The following ATE1 variants were observed in gnomAD, a reference collection of about 807,000 sequenced individuals.
ATE1 encodes arginyl-tRNA--protein transferase 1.
A neutral mutation model predicts 70.5 loss-of-function variants in ATE1; 36 were observed. The ratio of observed to expected loss-of-function variants is 0.51; its 90% CI spans 0.39 to 0.67. The LOEUF (loss-of-function observed/expected upper bound fraction) is 0.67, where lower values mean the gene tolerates loss of function less well. Among genes scored for constraint, ATE1 ranks in the 30% least tolerant of loss-of-function variants. ATE1 has a pLI of 0.00. For synonymous variants in ATE1, 232 were observed against 219.3 expected, an observed-to-expected ratio of 1.06 and a Z score of -0.51; for missense variants, 593 against 629.5, an observed-to-expected ratio of 0.94 and a Z score of 0.62.
chr10:121,750,400 C>G (rs1231051250), intron 11 of ATE1, among the ~76,000 whole-genome samples: 1 of 152,192 alleles, frequency 6.6e-6, no homozygotes, highest in African/African-American at 2.4e-5. Context: ...AATCTAATTT[C>G]ATACAATAAC....
intron 3 of ATE1, among the ~76,000 whole-genome samples, chr10:121,918,030 T>C (rs1951728287): frequency 6.6e-6 from 1 of 152,068 alleles, no homozygotes; most frequent in South Asian, 2.1e-4. Context: ...ATATGGAAAA[T>C]GACTCCATAA....
intron 10 of ATE1, among the ~76,000 whole-genome samples, chr10:121,803,510 T>C (rs1946976927): frequency 6.6e-6 from 1 of 152,244 alleles, no homozygotes; most frequent in Non-Finnish European, 1.5e-5. Context: ...GTGTCAGCAA[T>C]GTCCTATGTT....
rs201624969 is a variant in ATE1 at position 121,858,694 on chromosome 10, A to AT, written c.975+11311dup. On this transcript the variant is annotated intron_variant, in intron 8 of 11. Coordinates refer to ENST00000224652, the MANE Select transcript of ATE1 (RefSeq NM_001001976.3). ...TAATATATATATTTTTATATATTAT[A>AT]TTTTTTTAATATATTATATATATAC... Among the ~76,000 whole-genome samples the AT allele has an allele frequency of 7.1e-4, 53 of 74,686 alleles. 1 individual carries two copies. Among genetic ancestry groups the AT allele is most frequent in the Non-Finnish European group, 1.7e-3 (47 of 27,874 alleles). 49.0% of individuals were successfully genotyped at this position (74,686 alleles called of 152,430 possible).
intron 11 of ATE1, among the ~76,000 whole-genome samples, chr10:121,761,223 C>T (rs1945026075): frequency 6.6e-6 from 1 of 152,152 alleles, no homozygotes; most frequent in South Asian, 2.1e-4. Context: ...TCATGCACAC[C>T]CTGCAGAACC....
At chr10:121,813,487 G>A (rs1947408663) in intron 10 of ATE1, among the ~76,000 whole-genome samples, 1 of 152,144 alleles carries the variant, frequency 6.6e-6, no homozygotes, top group African/African-American at 2.4e-5. Flanking sequence ...ATGGCTCTTT[G>A]GGTGAAGAAA....
At chr10:121,846,535 A>G (rs1948829288) in intron 8 of ATE1, 2 of 152,186 alleles carry the variant, frequency 1.3e-5, no homozygotes, top group South Asian at 4.1e-4. Context: ...GAGAGGATTT[A>G]CTAAGGTGCT....
intron 5 of ATE1, among the ~76,000 whole-genome samples, chr10:121,905,374 T>A (rs571915636): frequency 6.6e-6 from 1 of 152,362 alleles, no homozygotes; most frequent in East Asian, 1.9e-4. Context: ...ACAGAAGTTA[T>A]AAATTTATAA....
At chr10:121,800,052 T>A (rs1490834389) in intron 10 of ATE1, among the ~76,000 whole-genome samples, 1 of 152,176 alleles carries the variant, frequency 6.6e-6, no homozygotes, top group Non-Finnish European at 1.5e-5. Context: ...GGCTTTAACA[T>A]CTTTTTAAAA....
At chr10:121,792,196 C>T (rs1002535200) in intron 10 of ATE1, among the ~76,000 whole-genome samples, 11 of 152,030 alleles carry the variant, frequency 7.2e-5, no homozygotes, top group South Asian at 2.1e-4. Flanking sequence ...ATAAAGGGAA[C>T]GGCATAAACA....
chr10:121,916,930 G>A (rs929386887), intron 3 of ATE1, among the ~76,000 whole-genome samples: 6 of 152,022 alleles, frequency 3.9e-5, no homozygotes, highest in South Asian at 2.1e-4. Context: ...TTGGGAGGCC[G>A]AGGTGGGTGG....
At chr10:121,756,761 T>C (rs1034281180) in intron 11 of ATE1, among the ~76,000 whole-genome samples, 7 of 152,138 alleles carry the variant, frequency 4.6e-5, no homozygotes, top group African/African-American at 1.7e-4. Flanking sequence ...GTCCCTAGGC[T>C]GTACACAGCA....
At chr10:121,923,650 A>T (rs1951969494) in intron 2 of ATE1, among the ~76,000 whole-genome samples, 1 of 152,188 alleles carries the variant, frequency 6.6e-6, no homozygotes, top group South Asian at 2.1e-4. Flanking sequence ...AATATTACTT[A>T]TATTTACACA....
At chr10:121,792,237 C>A (rs1366180469) in intron 10 of ATE1, among the ~76,000 whole-genome samples, 4 of 152,090 alleles carry the variant, frequency 2.6e-5, no homozygotes, top group Non-Finnish European at 5.9e-5. Flanking sequence ...GTAGAAAACT[C>A]CAAGGAACAG....
At chr10:121,776,332 C>T (rs1209945858) in intron 11 of ATE1, among the ~76,000 whole-genome samples, 1 of 28,460 alleles carries the variant, frequency 3.5e-5, no homozygotes, top group Non-Finnish European at 1.3e-4. Context: ...CCATCCTGCC[C>T]AAATCCCTCC....
At chr10:121,907,635 G>C (rs56764691) in intron 5 of ATE1, among the ~76,000 whole-genome samples, 3 of 151,936 alleles carry the variant, frequency 2.0e-5, no homozygotes, top group Admixed American at 2.0e-4. Context: ...TTAGCATGGT[G>C]GTGGGCGCCT....
In ATE1 at chr10:121,800,867, G is replaced by T. The variant is rs149531217; in HGVS notation, c.1258-10578C>A. On this transcript the variant is annotated intron_variant, in intron 10 of 11. Transcript: ENST00000224652. Reference sequence around the variant, plus strand: ...CCAGAGAAAATGAGTAAGAATAAAGGCTTATTAAACCCAGTCTTTCCCCTG... The same window carrying T: ...CCAGAGAAAATGAGTAAGAATAAAGTCTTATTAAACCCAGTCTTTCCCCTG... Among the ~76,000 whole-genome samples the T allele has an allele frequency of 3.9e-3, 598 of 152,188 alleles. 4 individuals are homozygous for T. Among genetic ancestry groups the T allele is most frequent in the Non-Finnish European group, 6.4e-3 (436 of 68,018 alleles).
chr10:121,831,775 A>G lies in ATE1; in HGVS notation c.1257+4943T>C, dbSNP rs147826472. Among the ~76,000 whole-genome samples, 284 of 152,334 alleles carry G rather than the reference A, an allele frequency of 1.9e-3. 4 individuals are homozygous for G. In the East Asian group the frequency reaches 0.05, roughly 27 times the overall value. ...CATGTCAGCTTTACTTTATTTAAAA[A>G]AAGACCAATCTGCTTTTGAAGTAAT... On this transcript the variant is annotated intron_variant, in intron 10 of 11. Coordinates refer to ENST00000224652, the MANE Select transcript of ATE1 (RefSeq NM_001001976.3).
At chr10:121,883,261 C>A (rs1357969769) in intron 7 of ATE1, among the ~76,000 whole-genome samples, 1 of 152,052 alleles carries the variant, frequency 6.6e-6, no homozygotes, top group African/African-American at 2.4e-5. Flanking sequence ...TGACCATTCT[C>A]CCCCAACCAC....
At chr10:121,802,568 C>T (rs1208891861) in intron 10 of ATE1, among the ~76,000 whole-genome samples, 3 of 152,146 alleles carry the variant, frequency 2.0e-5, no homozygotes, top group Middle Eastern at 3.2e-3. Flanking sequence ...CTCAGTCTCC[C>T]AAAGTGCTGG....
Sources: gnomAD v4.1 joint callset for allele counts (sites outside exome capture counted in the v4.1 genomes callset) on GRCh38, gnomAD v4.1.1 for gene constraint, MANE v1.5 for transcripts, NCBI Gene and HGNC (gene_info 2026-07-23, HGNC 2026-07-21) for gene names.